Variants in ESF1 observed in about 807,000 individuals in gnomAD.
ESF1 encodes ESF1 homolog.
Under a neutral mutation model 92.0 loss-of-function variants are expected in ESF1, and 58 were observed. That is an observed-to-expected ratio of 0.63 (90% CI 0.51 to 0.78). The LOEUF is 0.78. ESF1 is among the 30% of genes least tolerant of loss of function. The pLI is 0.00. For synonymous variants in ESF1, 321 were observed against 313.7 expected, an observed-to-expected ratio of 1.02 and a Z score of -0.24; for missense variants, 922 against 989.1, an observed-to-expected ratio of 0.93 and a Z score of 0.91.
intron 6 of ESF1, among the ~76,000 whole-genome samples, chr20:13,770,858 G>C (rs1979651539): frequency 1.3e-5 from 2 of 152,176 alleles, no homozygotes; most frequent in African/African-American, 4.8e-5. Flanking sequence ...TATCTGCTCT[G>C]TCCAAAATGG....
chr20:13,719,123 G>A (rs951150769), intron 11 of ESF1, 139 bp from the exon 12 acceptor site: 5 of 523,652 alleles, frequency 9.5e-6, no homozygotes, highest in African/African-American at 2.0e-5. Flanking sequence ...AAAAAAACAC[G>A]TTACTGAAAG....
At chr20:13,750,517 G>GAAAC (rs1978585106) in intron 9 of ESF1, among the ~76,000 whole-genome samples, 1 of 151,636 alleles carries the variant, frequency 6.6e-6, no homozygotes, top group African/African-American at 2.4e-5. Flanking sequence ...AAGAAAGAAA[G>GAAAC]AAACAAACAA....
At chr20:13,759,599 C>T in intron 9 of ESF1, 93 bp downstream of exon 9, 1 of 1,485,732 alleles carries the variant, frequency 6.7e-7, no homozygotes, top group Non-Finnish European at 8.9e-7. Context: ...ATGTTAAGGT[C>T]CTCACCAAAA....
At chr20:13,783,521 T>C (rs998788112) in intron 1 of ESF1, among the ~76,000 whole-genome samples, 2 of 152,218 alleles carry the variant, frequency 1.3e-5, no homozygotes, top group African/African-American at 2.4e-5. Flanking sequence ...GTGTTACTAA[T>C]TGAAGGCAAA....
At chr20:13,734,915 G>C (rs1254457189) in intron 9 of ESF1, among the ~76,000 whole-genome samples, 1 of 152,058 alleles carries the variant, frequency 6.6e-6, no homozygotes, top group African/African-American at 2.4e-5. Context: ...TAAGAACATG[G>C]AGGTAGGAAG....
chr20:13,747,870 G>A (rs1978350953), intron 9 of ESF1, among the ~76,000 whole-genome samples: 1 of 152,138 alleles, frequency 6.6e-6, no homozygotes, highest in African/African-American at 2.4e-5. Context: ...AGATGTTATA[G>A]CTTATTACAC....
Position 13,733,829 on chromosome 20 carries a change from ACTTT to A in ESF1, c.1838_1841del (p.Glu613ValfsTer16). The A allele has an allele frequency of 6.2e-7, 1 of 1,609,198 alleles. No individual in the cohort carries two copies. Among genetic ancestry groups the A allele is most frequent in the Non-Finnish European group, 8.5e-7 (1 of 1,178,646 alleles). On this transcript the variant is annotated frameshift_variant, in exon 10 of 14. Coordinates refer to ENST00000617257, the MANE Select transcript of ESF1 (RefSeq NM_001276380.2). LOFTEE classifies it high-confidence loss of function. ...ATTTGTTTTTGACCATCTCTTCTGC[ACTTT>A]CTTTAAGACCTGAGGAAAAATCCAA... is the stretch of plus-strand genomic sequence containing the variant.
intron 8 of ESF1, among the ~76,000 whole-genome samples, chr20:13,764,312 A>G (rs1483370821): frequency 1.3e-5 from 2 of 152,376 alleles, no homozygotes; most frequent in East Asian, 3.8e-4. Context: ...GGCAGACAGT[A>G]TCAACCAAAA....
Position 13,782,672 on chromosome 20 carries a change from C to T in ESF1, c.469G>A (p.Asp157Asn), listed in dbSNP as rs771646381. Residue 157 changes from aspartate to asparagine, a missense_variant, in exon 2 of 14, where the codon GAT becomes AAT. Asp to Asn is a conservative substitution (Grantham distance 23). Transcript: ENST00000617257. ...KIDSNISPKK[D>N]SKEFTQKNKK... ...TTTTTTTGTGTAAATTCTTTGCTAT[C>T]CTTCTTCGGACTTATGTTTGAATCT... 2.5e-6 allele frequency: 4 copies of T among 1,602,096 alleles called. No individual in the cohort carries two copies. Among genetic ancestry groups the T allele is most frequent in the Non-Finnish European group, 3.4e-6 (4 of 1,176,308 alleles).
chr20:13,746,035 G>A (rs984777879), intron 9 of ESF1, among the ~76,000 whole-genome samples: 6 of 152,100 alleles, frequency 3.9e-5, no homozygotes, highest in African/African-American at 1.4e-4. Context: ...TGTGATCTCA[G>A]ATCACTGCAA....
In ESF1 at chr20:13,769,895, G is replaced by A. The variant is rs781514942; in HGVS notation, c.1518+12C>T. On this transcript the variant is annotated intron_variant, in intron 7 of 13. Coordinates refer to ENST00000617257, the MANE Select transcript of ESF1 (RefSeq NM_001276380.2). Reference sequence around the variant, plus strand: ...AGAGTCCAGCTACATATTTTTTAAAGTAAAGAAATACCGTTGATGTTCCCA... The same window carrying A: ...AGAGTCCAGCTACATATTTTTTAAAATAAAGAAATACCGTTGATGTTCCCA... 1 of 1,539,008 alleles carries A rather than the reference G, an allele frequency of 6.5e-7. No homozygotes were observed. The highest frequency in any genetic ancestry group is 1.1e-5 in the South Asian group (1 of 88,680).
chr20:13,761,442 T>C (rs1373709197), intron 8 of ESF1, among the ~76,000 whole-genome samples: 2 of 151,390 alleles, frequency 1.3e-5, no homozygotes, highest in Admixed American at 1.3e-4. Flanking sequence ...GATGGCATTT[T>C]ATCCCTCTTT....
chr20:13,784,205 C>G (rs1407365340), intron 1 of ESF1, among the ~76,000 whole-genome samples: 1 of 151,796 alleles, frequency 6.6e-6, no homozygotes, highest in African/African-American at 2.4e-5. Flanking sequence ...AATATTGTTC[C>G]CTTGTGAAAA....
chr20:13,727,895 T>C (rs6042323), intron 11 of ESF1, among the ~76,000 whole-genome samples: 136,950 of 152,232 alleles, frequency 0.9, 61,732 homozygotes, highest in East Asian at 1. Context: ...AGCTTTTATA[T>C]GAAATTTCAT....
chr20:13,748,592 A>ATATATATATATTTTTT (rs1331098586), intron 9 of ESF1, among the ~76,000 whole-genome samples: 3 of 95,716 alleles, frequency 3.1e-5, no homozygotes, highest in African/African-American at 1.9e-4. Context: ...ATATATATAT[A>ATATATATATATTTTTT]TTTTTTTTTT....
intron 9 of ESF1, among the ~76,000 whole-genome samples, chr20:13,739,677 A>C (rs887954177): frequency 6.6e-6 from 1 of 152,076 alleles, no homozygotes; most frequent in African/African-American, 2.4e-5. Context: ...TAGATGTAAG[A>C]AAACAAAAGG....
intron 11 of ESF1, among the ~76,000 whole-genome samples, chr20:13,720,757 C>T (rs1202733788): frequency 2.6e-5 from 4 of 152,158 alleles, no homozygotes; most frequent in Admixed American, 2.0e-4. Context: ...ATGTTAACAA[C>T]TGCCAAACAC....
In ESF1 at chr20:13,775,872, C is replaced by A; in HGVS notation, c.1035+1G>T. On this transcript the variant is annotated splice_donor_variant, in intron 3 of 13. Transcript: ENST00000617257. LOFTEE classifies it high-confidence loss of function. ...ATAATCTTGTTTATTCAAAAGGTTA[C>A]CTCATCAGCACGAGGAGCATCTTTA... The A allele has an allele frequency of 1.3e-6, 2 of 1,592,932 alleles. No individual in the cohort carries two copies. Among genetic ancestry groups the A allele is most frequent in the South Asian group, 1.2e-5 (1 of 86,778 alleles).
chr20:13,756,218 T>C (rs1038441765), intron 9 of ESF1, among the ~76,000 whole-genome samples: 1 of 152,224 alleles, frequency 6.6e-6, no homozygotes, highest in Admixed American at 6.5e-5. Flanking sequence ...GAAAGATTGC[T>C]CAATGATCTT....
Sources: gnomAD v4.1 joint callset for allele counts (sites outside exome capture counted in the v4.1 genomes callset) on GRCh38, gnomAD v4.1.1 for gene constraint, MANE v1.5 for transcripts, NCBI Gene and HGNC (gene_info 2026-07-23, HGNC 2026-07-21) for gene names.